RHEX: variants seen among roughly 807,000 people sequenced by gnomAD.
RHEX encodes regulator of hemoglobinization and erythroid cell expansion protein.
A neutral mutation model predicts 20.1 loss-of-function variants in RHEX; 18 were observed. The ratio of observed to expected loss-of-function variants is 0.90; its 90% confidence interval spans 0.62 to 1.33. The LOEUF (loss-of-function observed/expected upper bound fraction) is 1.33. RHEX is among the 40% of genes most tolerant of loss of function. RHEX has a pLI of 0.00. For missense variants in RHEX, 192 were observed against 214.3 expected, an observed-to-expected ratio of 0.90 and a Z score of 0.65; for synonymous variants, 87 against 77.1, an observed-to-expected ratio of 1.13 and a Z score of -0.67.
intron 1 of RHEX, among the ~76,000 whole-genome samples, chr1:206,064,965 C>A (rs1226544617): frequency 6.6e-6 from 1 of 152,134 alleles, no homozygotes; most frequent in African/African-American, 2.4e-5. Flanking sequence ...TCCTGTTGAT[C>A]TGTGACCTTA....
chr1:206,073,643 T>C (rs1662575556), intron 1 of RHEX, among the ~76,000 whole-genome samples: 1 of 152,034 alleles, frequency 6.6e-6, no homozygotes, highest in Non-Finnish European at 1.5e-5. Flanking sequence ...GAAACGAAAG[T>C]ATCCCGCTGT....
At chr1:206,090,228 A>G (rs1401614166) in intron 1 of RHEX, among the ~76,000 whole-genome samples, 2 of 124,060 alleles carry the variant, frequency 1.6e-5, no homozygotes, top group Non-Finnish European at 3.2e-5. Context: ...TTTTTTTGAG[A>G]CAGAGTCTCA....
intron 1 of RHEX, among the ~76,000 whole-genome samples, chr1:206,063,471 C>T (rs1024420930): frequency 2.3e-4 from 35 of 152,250 alleles, no homozygotes; most frequent in Non-Finnish European, 3.4e-4. Context: ...GCTGCCATCT[C>T]GGCTCACTGC....
At position 206,054,794 on chromosome 1, in the gene RHEX, G is replaced by T. The variant is rs572547418; in HGVS notation, c.-97+1529G>T. Among the ~76,000 whole-genome samples, 23 of 152,286 alleles carry T rather than the reference G, an allele frequency of 1.5e-4. No individual in the cohort carries two copies. The South Asian group carries it at 4.8e-3, about 32-fold the overall frequency. ...TATAAAGGTAAAATTTAGCTTATCT[G>T]GTATAAAAATCATACAAGAAACATT... On this transcript the variant is annotated intron_variant, in intron 1 of 5. Transcript: ENST00000331555.
In RHEX at chr1:206,067,702, C is replaced by T. The variant is rs1175194676; in HGVS notation, c.-97+14437C>T. ...GCCCCAACAGCACAACCTCATTCTG[C>T]ACATACCCCCTCCAGTACAACCCTA... On this transcript the variant is annotated intron_variant, in intron 1 of 5. Coordinates refer to ENST00000331555, the MANE Select transcript of RHEX (RefSeq NM_001007544.4). The surrounding 1 kb of genome is among the most constrained non-coding windows in gnomAD (Gnocchi z 4.6). Among the ~76,000 whole-genome samples, 2 of 152,064 alleles carry T rather than the reference C, an allele frequency of 1.3e-5. No homozygotes were observed. The highest frequency in any genetic ancestry group is 4.8e-5 in the African/African-American group (2 of 41,334).
chr1:206,065,729 A>G (rs1279379886), intron 1 of RHEX, among the ~76,000 whole-genome samples: 2 of 152,226 alleles, frequency 1.3e-5, no homozygotes, highest in Non-Finnish European at 2.9e-5. Flanking sequence ...GCCTCTCACC[A>G]GGACCAGCAT....
intron 1 of RHEX, among the ~76,000 whole-genome samples, chr1:206,095,232 A>T (rs1238320266): frequency 3.3e-5 from 5 of 152,218 alleles, no homozygotes; most frequent in African/African-American, 1.2e-4. Flanking sequence ...TGAACAAATC[A>T]TGTCCCAGTT....
At chr1:206,096,256 T>C (rs1553287643) in intron 1 of RHEX, among the ~76,000 whole-genome samples, 1 of 152,228 alleles carries the variant, frequency 6.6e-6, no homozygotes, top group Non-Finnish European at 1.5e-5. Flanking sequence ...ATAAAAGCTT[T>C]GAGTGTAGTA....
At chr1:206,072,829 C>CTTTTTT (rs71152466) in intron 1 of RHEX, among the ~76,000 whole-genome samples, 1 of 121,640 alleles carries the variant, frequency 8.2e-6, no homozygotes, top group African/African-American at 3.2e-5. Flanking sequence ...CCTCCTGTGT[C>CTTTTTT]TTTTTTTTTT....
chr1:206,063,058 T>C (rs1273841386), intron 1 of RHEX, among the ~76,000 whole-genome samples: 1 of 152,212 alleles, frequency 6.6e-6, no homozygotes, highest in African/African-American at 2.4e-5. Context: ...AGTGGGTTGC[T>C]AGTTTGTATC....
chr1:206,064,641 C>G (rs1662384437), intron 1 of RHEX, among the ~76,000 whole-genome samples: 1 of 146,034 alleles, frequency 6.8e-6, no homozygotes, highest in Non-Finnish European at 1.5e-5. Flanking sequence ...CCGCCCCGTC[C>G]CGGGGGGAGG....
At chr1:206,065,587 C>T (rs1662406438) in intron 1 of RHEX, among the ~76,000 whole-genome samples, 1 of 152,154 alleles carries the variant, frequency 6.6e-6, no homozygotes, top group South Asian at 2.1e-4. Context: ...CTCTGGCAAC[C>T]CCACCTCTTC....
chr1:206,066,276 T>C (rs538864081), intron 1 of RHEX, among the ~76,000 whole-genome samples: 2 of 152,350 alleles, frequency 1.3e-5, no homozygotes, highest in East Asian at 3.9e-4. Flanking sequence ...CTTAAAATTA[T>C]TGATATCTTT....
At chr1:206,090,099 TATAAC>T (rs1662916485) in intron 1 of RHEX, among the ~76,000 whole-genome samples, 1 of 152,098 alleles carries the variant, frequency 6.6e-6, no homozygotes, top group South Asian at 2.1e-4. Flanking sequence ...GAACTACTCT[TATAAC>T]ATTTATTGTA....
rs1489237822 is a variant in RHEX at position 206,097,845 on chromosome 1, T to C, written c.11+6T>C. On this transcript the variant is annotated splice_donor_region_variant and intron_variant, in intron 2 of 5. Transcript: ENST00000331555. ...GAGCTCATCATGCTGACAGAGTGAG[T>C]GGGCCCAACAAGAGCAGGAGCAAGG... 10 of 1,597,630 alleles carry C rather than the reference T, an allele frequency of 6.3e-6. No individual in the cohort carries two copies. Among genetic ancestry groups the C allele is most frequent in the South Asian group, 1.1e-5 (1 of 90,778 alleles).
intron 1 of RHEX, among the ~76,000 whole-genome samples, chr1:206,074,239 C>T (rs1553284966): frequency 6.6e-6 from 1 of 152,216 alleles, no homozygotes; most frequent in African/African-American, 2.4e-5. Context: ...ATTCATCACA[C>T]CTCAGTGCAA....
intron 1 of RHEX, among the ~76,000 whole-genome samples, chr1:206,091,297 T>G (rs921421102): frequency 5.3e-5 from 8 of 152,188 alleles, no homozygotes; most frequent in Admixed American, 3.9e-4. Flanking sequence ...GGAGGAACTT[T>G]CCATTTCCAG....
rs369253766 is a variant in RHEX, at chr1:206,096,465, G to A, written c.-96-1268G>A. Among the ~76,000 whole-genome samples the A allele has an allele frequency of 1.8e-4, 27 of 152,302 alleles. No individual in the cohort carries two copies. In the East Asian group the frequency reaches 4.6e-3, roughly 26 times the overall value. ...CTTCCACAATTTTCATTTCTTTCAC[G>A]ATACAATAAAGCTCTTCTGGTAAAG... On this transcript the variant is annotated intron_variant, in intron 1 of 5. Transcript: ENST00000331555.
chr1:206,063,648 C>T (rs1553283681), intron 1 of RHEX, among the ~76,000 whole-genome samples: 3 of 152,290 alleles, frequency 2.0e-5, no homozygotes, highest in Admixed American at 6.5e-5. Flanking sequence ...CCAGCCTCGG[C>T]CTCCCGAGGT....
Sources: allele counts gnomAD v4.1 joint callset (sites outside exome capture counted in the v4.1 genomes callset), GRCh38; gene constraint gnomAD v4.1.1; non-coding constraint Gnocchi (gnomAD v3.1); transcripts MANE v1.5; gene names NCBI Gene and HGNC (gene_info 2026-07-23, HGNC 2026-07-21).